Variants in DYNC1LI1 observed in about 807,000 individuals in gnomAD.
The protein encoded by DYNC1LI1 is cytoplasmic dynein 1 light intermediate chain 1.
In DYNC1LI1, 19 loss-of-function variants were observed where a neutral mutation model predicts 63.8. The ratio of observed to expected loss-of-function variants is 0.30; its 90% CI spans 0.21 to 0.44. The LOEUF is 0.44. DYNC1LI1 is among the 20% of genes least tolerant of loss of function. The pLI is 1.00. For missense variants in DYNC1LI1, 565 were observed against 630.2 expected (o/e 0.90, Z 1.11); for synonymous variants, 225 against 232.3 (o/e 0.97, Z 0.28).
At chr3:32,562,311 C>T (rs1213533660) in intron 2 of DYNC1LI1, among the ~76,000 whole-genome samples, 2 of 152,128 alleles carry the variant, frequency 1.3e-5, no homozygotes, top group Non-Finnish European at 2.9e-5. Context: ...CTTACCTCTA[C>T]GTGGTAGGAT....
Position 32,541,053 on chromosome 3 carries a change from A to G in DYNC1LI1, c.722T>C (p.Leu241Pro). ...CAAACTAACCTTTGTGCAAACTACT[A>G]GTACTGGAATGCCCAAGTTATGTGT... is the stretch of plus-strand genomic sequence containing the variant. ...TLTHNLGIPV[L>P]VVCTKCDAIS... The change falls in exon 5 of 13, where the codon CTA becomes CCA. Residue 241 changes from leucine (L) to proline (P), a missense_variant. Coordinates refer to ENST00000273130, the MANE Select transcript of DYNC1LI1 (RefSeq NM_016141.4). 2 of 1,607,672 alleles carry G rather than the reference A, an allele frequency of 1.2e-6. No homozygotes were observed. Among genetic ancestry groups the G allele is most frequent in the Non-Finnish European group, 1.7e-6 (2 of 1,176,990 alleles).
Position 32,526,268 on chromosome 3 carries a change from G to A in DYNC1LI1, c.*531C>T, listed in dbSNP as rs1209223736. ...TGAGACAATGACTAGTGTATCAAACGCTATCTGATAGTTTTCTTAGCATAT... is the reference window on the plus strand; with the variant it reads ...TGAGACAATGACTAGTGTATCAAACACTATCTGATAGTTTTCTTAGCATAT... On this transcript the variant is annotated 3_prime_UTR_variant, in exon 13 of 13. Transcript: ENST00000273130. 1.3e-5 allele frequency: 2 copies of A among 152,648 alleles called. No individual in the cohort carries two copies. The highest frequency in any genetic ancestry group is 4.8e-5 in the African/African-American group (2 of 41,404). 9.5% of individuals were successfully genotyped at this position (152,648 alleles called of 1,614,324 possible). A position where few individuals can be genotyped will look rare whatever the true frequency, so the allele number is the denominator to read the frequency against.
intron 4 of DYNC1LI1, among the ~76,000 whole-genome samples, chr3:32,544,183 T>C (rs977372815): frequency 1.3e-5 from 2 of 152,252 alleles, no homozygotes; most frequent in African/African-American, 4.8e-5. Context: ...ATGTACTTTA[T>C]AAATCATAAA....
intron 2 of DYNC1LI1, among the ~76,000 whole-genome samples, chr3:32,569,474 A>C (rs554469536): frequency 3.9e-5 from 6 of 152,322 alleles, no homozygotes; most frequent in African/African-American, 1.4e-4. Flanking sequence ...CAACAACAAA[A>C]AACTCTGGTA....
At chr3:32,554,994 C>T (rs917043936) in intron 2 of DYNC1LI1, among the ~76,000 whole-genome samples, 2 of 151,006 alleles carry the variant, frequency 1.3e-5, no homozygotes, top group East Asian at 2.0e-4. Context: ...CTCAGACTCT[C>T]GAGTAGCTGG....
At chr3:32,561,817 T>C (rs191022817) in intron 2 of DYNC1LI1, among the ~76,000 whole-genome samples, 247 of 151,360 alleles carry the variant, frequency 1.6e-3, no homozygotes, top group African/African-American at 5.5e-3. Flanking sequence ...TATCTATATA[T>C]ACTATTCAGT....
rs1553617914 is a variant in DYNC1LI1 at position 32,537,982 on chromosome 3, A to AAT, written c.739-880_739-879dup. 9.0e-4 allele frequency among the ~76,000 whole-genome samples: 31 copies of AAT among 34,288 alleles called. 4 individuals are homozygous for AAT. Among genetic ancestry groups the AAT allele is most frequent in the South Asian group, 2.4e-3 (5 of 2,118 alleles). 22.5% of individuals were successfully genotyped at this position (34,288 alleles called of 152,430 possible). The stretch of plus-strand genomic sequence containing the variant: ...ATATAATATATATATATTTATATAT[A>AAT]ATATATATATATAATTTATATATAT... On this transcript the variant is annotated intron_variant, in intron 5 of 12. Transcript: ENST00000273130.
At chr3:32,531,324 C>T (rs1392680229) in intron 8 of DYNC1LI1, 1 of 152,538 alleles carries the variant, frequency 6.6e-6, no homozygotes, top group Non-Finnish European at 1.5e-5. Flanking sequence ...ACATTTCTGC[C>T]TCAGGGCATG....
intron 5 of DYNC1LI1, among the ~76,000 whole-genome samples, chr3:32,537,688 CTGCT>C (rs1697793087): frequency 6.6e-6 from 1 of 150,454 alleles, no homozygotes; most frequent in African/African-American, 2.4e-5. Context: ...ATTCTGAATT[CTGCT>C]TGCTACAGAA....
At chr3:32,536,979 C>G in intron 6 of DYNC1LI1, 32 bp downstream of exon 6, 1 of 1,243,650 alleles carries the variant, frequency 8.0e-7, no homozygotes, top group African/African-American at 1.5e-5. Context: ...TAAAGTGATA[C>G]ACTGAATCAA....
At chr3:32,546,032 T>C (rs1697947801) in intron 2 of DYNC1LI1, 67 bp from the exon 3 acceptor site, 10 of 1,144,460 alleles carry the variant, frequency 8.7e-6, no homozygotes, top group Non-Finnish European at 1.3e-5. Context: ...TGCTTTCTAG[T>C]ACCAAGTGAA....
chr3:32,564,656 T>C (rs1698236008), intron 2 of DYNC1LI1, among the ~76,000 whole-genome samples: 1 of 152,248 alleles, frequency 6.6e-6, no homozygotes, highest in Admixed American at 6.5e-5. Context: ...ATAATAAACA[T>C]GTAATAAATA....
chr3:32,540,091 G>C (rs147596531), intron 5 of DYNC1LI1, among the ~76,000 whole-genome samples: 1 of 150,802 alleles, frequency 6.6e-6, no homozygotes, highest in Admixed American at 6.6e-5. Context: ...GGATGGTCTC[G>C]ATCTCCTGAC....
At chr3:32,535,356 G>T (rs1049420459) in intron 6 of DYNC1LI1, among the ~76,000 whole-genome samples, 2 of 152,182 alleles carry the variant, frequency 1.3e-5, no homozygotes, top group African/African-American at 4.8e-5. Flanking sequence ...GATGGATTCA[G>T]AGTGGCTATC....
chr3:32,552,702 T>C (rs1698059381), intron 2 of DYNC1LI1, among the ~76,000 whole-genome samples: 1 of 152,038 alleles, frequency 6.6e-6, no homozygotes. Context: ...TTTGCTGTTG[T>C]TGTTGTTGTT....
intron 2 of DYNC1LI1, among the ~76,000 whole-genome samples, chr3:32,555,838 T>C (rs1045785610): frequency 6.6e-6 from 1 of 152,232 alleles, no homozygotes; most frequent in Non-Finnish European, 1.5e-5. Context: ...GCAGGACACA[T>C]GTGATAAAGC....
At chr3:32,565,645 C>T (rs534979748) in intron 2 of DYNC1LI1, among the ~76,000 whole-genome samples, 7 of 152,224 alleles carry the variant, frequency 4.6e-5, no homozygotes, top group East Asian at 1.9e-4. Context: ...GAGTTTCACT[C>T]GTCACCCAGG....
At chr3:32,541,278 A>T in intron 4 of DYNC1LI1, 72 bp from the exon 5 acceptor site, 1 of 1,040,084 alleles carries the variant, frequency 9.6e-7, no homozygotes, top group East Asian at 2.5e-5. Flanking sequence ...CATAATCTAA[A>T]GATAAAATTT....
At position 32,550,515 on chromosome 3, in the gene DYNC1LI1, T is replaced by C. The variant is rs570803271; in HGVS notation, c.221-4550A>G. 3.3e-4 allele frequency among the ~76,000 whole-genome samples: 51 copies of C among 152,324 alleles called. 1 individual carries two copies. Among genetic ancestry groups the C allele is most frequent in the South Asian group, 1.2e-3 (6 of 4,828 alleles). On this transcript the variant is annotated intron_variant, in intron 2 of 12. Coordinates refer to ENST00000273130, the MANE Select transcript of DYNC1LI1 (RefSeq NM_016141.4). ...ATTTCTTGCAGCCATCACTACAGCATGGTTGTTTCCTTTTTCTAAAGACTG... is the reference window on the plus strand; with the variant it reads ...ATTTCTTGCAGCCATCACTACAGCACGGTTGTTTCCTTTTTCTAAAGACTG...
Sources: gnomAD v4.1 joint callset for allele counts (sites outside exome capture counted in the v4.1 genomes callset) on GRCh38, gnomAD v4.1.1 for gene constraint, MANE v1.5 for transcripts, NCBI Gene and HGNC (gene_info 2026-07-23, HGNC 2026-07-21) for gene names.